Variants in STAT3 observed in about 807,000 individuals in gnomAD.
STAT3 encodes DNA-binding protein APRF.
Under a neutral mutation model 114.3 loss-of-function variants are expected in STAT3, and 7 were observed. The ratio of observed to expected loss-of-function variants is 0.06; its 90% CI spans 0.03 to 0.11. The LOEUF (loss-of-function observed/expected upper bound fraction) is 0.11, where lower values mean the gene tolerates loss of function less well. STAT3 is among the 10% of genes least tolerant of loss of function. The pLI is 1.00. For missense variants in STAT3, 364 were observed against 960.9 expected, an observed-to-expected ratio of 0.38 and a Z score of 8.21; for synonymous variants, 331 against 354.5, an observed-to-expected ratio of 0.93 and a Z score of 0.74.
chr17:42,384,660 T>A (rs1013593699), intron 1 of STAT3, among the ~76,000 whole-genome samples: 1 of 151,816 alleles, frequency 6.6e-6, no homozygotes, highest in African/African-American at 2.4e-5. Context: ...GCTTGGGTGA[T>A]CCTCCCACCT....
At chr17:42,374,010 C>T (rs962552432) in intron 1 of STAT3, 1 of 152,130 alleles carries the variant, frequency 6.6e-6, no homozygotes, top group Non-Finnish European at 1.5e-5. Flanking sequence ...ACAAGCTTTT[C>T]TATGAAAATC....
intron 1 of STAT3, among the ~76,000 whole-genome samples, chr17:42,353,090 G>A (rs937013840): frequency 5.3e-5 from 8 of 152,158 alleles, no homozygotes; most frequent in African/African-American, 1.9e-4. Flanking sequence ...GCTCATGCCT[G>A]TAATCCCAGC....
intron 1 of STAT3, among the ~76,000 whole-genome samples, chr17:42,362,888 A>G (rs1347182697): frequency 2.0e-5 from 3 of 152,150 alleles, no homozygotes; most frequent in Admixed American, 2.0e-4. Context: ...CAAAAACACC[A>G]GGCTCCTGCC....
Position 42,326,083 on chromosome 17 carries a change from G to A in STAT3, c.1365+33C>T, listed in dbSNP as rs564592626. The A allele has an allele frequency of 7.3e-5, 117 of 1,597,020 alleles. 2 individuals are homozygous for A. In the South Asian group the frequency reaches 1.0e-3, roughly 14 times the overall value. ...TTTTTGTCCTGAGTCACCCCTGTACGTAGCCTCTCACCGATTCTGCTGCAG... is the reference window on the plus strand; with the variant it reads ...TTTTTGTCCTGAGTCACCCCTGTACATAGCCTCTCACCGATTCTGCTGCAG... On this transcript the variant is annotated intron_variant, in intron 15 of 23. Transcript: ENST00000264657.
intron 4 of STAT3, 82 bp downstream of exon 4, chr17:42,345,477 G>T: frequency 2.7e-6 from 3 of 1,113,160 alleles, no homozygotes; most frequent in East Asian, 2.6e-5. Flanking sequence ...TTTTTTAGTA[G>T]ATCTAATAAT....
chr17:42,365,679 G>A (rs796563462), intron 1 of STAT3, among the ~76,000 whole-genome samples: 29 of 145,128 alleles, frequency 2.0e-4, no homozygotes, highest in African/African-American at 6.9e-4. Flanking sequence ...TTTTTGAGAC[G>A]GAGTCTTGCT....
intron 3 of STAT3, among the ~76,000 whole-genome samples, chr17:42,346,057 C>G (rs780899839): frequency 6.6e-6 from 1 of 151,888 alleles, no homozygotes; most frequent in Non-Finnish European, 1.5e-5. Flanking sequence ...AAAAAAATTT[C>G]TGTAGAGATG....
chr17:42,381,463 C>T (rs1036548802), intron 1 of STAT3, among the ~76,000 whole-genome samples: 2 of 152,036 alleles, frequency 1.3e-5, no homozygotes, highest in Non-Finnish European at 2.9e-5. Flanking sequence ...TGCTGGCTCA[C>T]GCCTGTAATC....
At chr17:42,365,648 T>A (rs545532730) in intron 1 of STAT3, among the ~76,000 whole-genome samples, 1 of 119,826 alleles carries the variant, frequency 8.3e-6, no homozygotes, top group Non-Finnish European at 1.9e-5. Flanking sequence ...AGTTTTTTTT[T>A]TTTGTTTTTT....
chr17:42,331,123 A>G (rs983388923), intron 11 of STAT3, among the ~76,000 whole-genome samples: 10 of 152,240 alleles, frequency 6.6e-5, no homozygotes, highest in Non-Finnish European at 1.5e-4. Context: ...ACATTTGCAC[A>G]ACAAAATTGC....
chr17:42,364,441 G>GA (rs1489008336), intron 1 of STAT3, among the ~76,000 whole-genome samples: 2 of 152,106 alleles, frequency 1.3e-5, no homozygotes, highest in South Asian at 2.1e-4. Context: ...CGAGTAGCTG[G>GA]AAAAAACCTG....
intron 1 of STAT3, among the ~76,000 whole-genome samples, chr17:42,376,780 A>G (rs1418652494): frequency 1.3e-5 from 2 of 151,896 alleles, no homozygotes; most frequent in Admixed American, 6.6e-5. Flanking sequence ...CGGGAGGCTG[A>G]GCTTACAGTG....
chr17:42,386,721 C>A (rs952669213), intron 1 of STAT3, among the ~76,000 whole-genome samples: 4 of 152,128 alleles, frequency 2.6e-5, no homozygotes, highest in Non-Finnish European at 4.4e-5. Context: ...AGTGATTATT[C>A]TTCTCAAATG....
chr17:42,370,850 C>G (rs1722144887), intron 1 of STAT3, among the ~76,000 whole-genome samples: 1 of 151,502 alleles, frequency 6.6e-6, no homozygotes, highest in Admixed American at 6.6e-5. Context: ...CTCAGGTGAT[C>G]CACCCACCTT....
chr17:42,382,962 C>A, intron 1 of STAT3, among the ~76,000 whole-genome samples: 1 of 151,724 alleles, frequency 6.6e-6, no homozygotes, highest in East Asian at 2.0e-4. Flanking sequence ...TTGCAGTAAT[C>A]CTAACATGAC....
intron 1 of STAT3, among the ~76,000 whole-genome samples, chr17:42,351,415 T>C (rs2082950943): frequency 6.6e-6 from 1 of 152,048 alleles, no homozygotes. Context: ...CTGATTATTT[T>C]TGTAGAGACG....
intron 1 of STAT3, among the ~76,000 whole-genome samples, chr17:42,364,632 G>A (rs755112431): frequency 9.2e-5 from 14 of 152,148 alleles, no homozygotes; most frequent in African/African-American, 2.7e-4. Context: ...ACAGGTGCCC[G>A]CCACCACACC....
At chr17:42,387,764 G>C (rs1309709691) in intron 1 of STAT3, 3 of 152,954 alleles carry the variant, frequency 2.0e-5, no homozygotes, top group African/African-American at 7.2e-5. Flanking sequence ...TAAGGCTGCA[G>C]GCGACAGACA....
intron 1 of STAT3, among the ~76,000 whole-genome samples, chr17:42,383,806 T>A (rs2084932452): frequency 6.6e-6 from 1 of 152,200 alleles, no homozygotes. Context: ...ACTCAAAAGT[T>A]ATGGTGAAAT....
Sources: allele counts gnomAD v4.1 joint callset (sites outside exome capture counted in the v4.1 genomes callset), GRCh38; gene constraint gnomAD v4.1.1; transcripts MANE v1.5; gene names NCBI Gene and HGNC (gene_info 2026-07-23, HGNC 2026-07-21).